The following PTPRN2 variants were observed in gnomAD, a reference collection of about 807,000 sequenced individuals.
PTPRN2 encodes the protein protein tyrosine phosphatase receptor type N2.
A neutral mutation model predicts 118.8 loss-of-function variants in PTPRN2; 74 were observed. The observed-to-expected ratio is 0.62, with a 90% CI of 0.52 to 0.76. The LOEUF (loss-of-function observed/expected upper bound fraction) is 0.76, where lower values mean the gene tolerates loss of function less well. PTPRN2 is among the 30% of genes least tolerant of loss of function. PTPRN2 has a pLI of 0.00. For missense variants in PTPRN2, 1,481 were observed against 1,394.4 expected, an observed-to-expected ratio of 1.06 and a Z score of -0.99; for synonymous variants, 641 against 608.0, an observed-to-expected ratio of 1.05 and a Z score of -0.80.
intron 12 of PTPRN2, among the ~76,000 whole-genome samples, chr7:157,883,711 C>A (rs572252905): frequency 1.3e-3 from 189 of 148,064 alleles, no homozygotes; most frequent in Non-Finnish European, 2.1e-3. Context: ...AACACACCAC[C>A]CCAGAAAAGA....
chr7:157,888,685 A>T (rs1057286291), intron 12 of PTPRN2, among the ~76,000 whole-genome samples: 5 of 152,100 alleles, frequency 3.3e-5, no homozygotes, highest in African/African-American at 1.2e-4. Context: ...ATCTTCACGG[A>T]TGTCTGATGA....
At position 157,974,268 on chromosome 7, in the gene PTPRN2, A is replaced by T. The variant is rs1442722104; in HGVS notation, c.1724-75531T>A. Among the ~76,000 whole-genome samples the T allele has an allele frequency of 6.6e-6, 1 of 152,164 alleles. No individual in the cohort carries two copies. Among genetic ancestry groups the T allele is most frequent in the African/African-American group, 2.4e-5 (1 of 41,450 alleles). On this transcript the variant is annotated intron_variant, in intron 11 of 22. Coordinates refer to ENST00000389418, the MANE Select transcript of PTPRN2 (RefSeq NM_002847.5). The surrounding 1 kb of genome is among the most constrained non-coding windows in gnomAD (Gnocchi z 4.0). ...CTCCCACTAGCATTTTCTCATCTCC[A>T]GCACGGTGTCAATGGTGCCACTCCA... is the stretch of plus-strand genomic sequence containing the variant.
intron 1 of PTPRN2, among the ~76,000 whole-genome samples, chr7:158,564,675 G>A (rs1207384509): frequency 6.6e-6 from 1 of 152,064 alleles, no homozygotes; most frequent in Non-Finnish European, 1.5e-5. Context: ...GCACCCTCCA[G>A]CTCCATCTAG....
chr7:158,151,651 GC>G (rs2150532982), intron 6 of PTPRN2, among the ~76,000 whole-genome samples: 1 of 151,386 alleles, frequency 6.6e-6, no homozygotes, highest in Admixed American at 6.6e-5. Context: ...ATACTCCCCC[GC>G]CCCCTCCTTC....
At chr7:158,364,327 T>C (rs1586467832) in intron 2 of PTPRN2, among the ~76,000 whole-genome samples, 1 of 129,386 alleles carries the variant, frequency 7.7e-6, no homozygotes, top group African/African-American at 3.0e-5. Flanking sequence ...GCCCCCATCC[T>C]CACTTCACCT....
At chr7:157,855,238 G>A (rs1202166627) in intron 12 of PTPRN2, among the ~76,000 whole-genome samples, 1 of 151,854 alleles carries the variant, frequency 6.6e-6, no homozygotes, top group Non-Finnish European at 1.5e-5. Context: ...GCAGGCGTGT[G>A]TGCGGGGCTT....
At chr7:157,717,362 C>T (rs1798975758) in intron 12 of PTPRN2, among the ~76,000 whole-genome samples, 1 of 152,220 alleles carries the variant, frequency 6.6e-6, no homozygotes. Flanking sequence ...GGTGGGTATC[C>T]TGCAAACATC....
chr7:158,186,379 C>T (rs1156242368), intron 5 of PTPRN2, among the ~76,000 whole-genome samples: 4 of 152,140 alleles, frequency 2.6e-5, no homozygotes, highest in Non-Finnish European at 5.9e-5. Context: ...CTCCCGGGGG[C>T]TCACTCATGT....
chr7:158,283,233 G>T (rs954197318), intron 3 of PTPRN2, among the ~76,000 whole-genome samples: 1 of 152,226 alleles, frequency 6.6e-6, no homozygotes, highest in Non-Finnish European at 1.5e-5. Flanking sequence ...TCAGTCAGGC[G>T]GCAGCCGTCA....
At chr7:158,176,820 T>A (rs550062398) in intron 5 of PTPRN2, among the ~76,000 whole-genome samples, 2 of 152,258 alleles carry the variant, frequency 1.3e-5, no homozygotes, top group African/African-American at 4.8e-5. Flanking sequence ...TTTAAAAAAC[T>A]CAAATGGACA....
intron 11 of PTPRN2, among the ~76,000 whole-genome samples, chr7:158,009,820 A>T (rs938654962): frequency 6.6e-6 from 1 of 152,224 alleles, no homozygotes; most frequent in Non-Finnish European, 1.5e-5. Flanking sequence ...TCTGATTTGG[A>T]TCTATGAGCA....
intron 11 of PTPRN2, chr7:158,028,561 G>T (rs56159784): frequency 7.9e-5 from 12 of 152,480 alleles, no homozygotes; most frequent in African/African-American, 2.9e-4. Flanking sequence ...GCAAGGAGGA[G>T]ACAGGTGGAC....
At chr7:157,821,877 G>C (rs1030037463) in intron 12 of PTPRN2, among the ~76,000 whole-genome samples, 1 of 152,032 alleles carries the variant, frequency 6.6e-6, no homozygotes, top group African/African-American at 2.4e-5. Flanking sequence ...GGAGGGACAT[G>C]GGTTAGGAAG....
At chr7:157,657,556 C>T (rs1795616094) in intron 13 of PTPRN2, among the ~76,000 whole-genome samples, 1 of 106,324 alleles carries the variant, frequency 9.4e-6, no homozygotes, top group African/African-American at 3.2e-5. Flanking sequence ...ACACCACACA[C>T]ACACCACACA....
rs150957498 is a variant in PTPRN2 at position 158,244,851 on chromosome 7, G to A, written c.278-39578C>T. ...GAGTTGTGCACATGTGAGTGTATGG[G>A]GGGCGTGTGTTATATAAAATATTAA... On this transcript the variant is annotated intron_variant, in intron 3 of 22. Transcript: ENST00000389418. Among the ~76,000 whole-genome samples, 87 of 151,602 alleles carry A rather than the reference G, an allele frequency of 5.7e-4. 1 individual carries two copies. The highest frequency in any genetic ancestry group is 2.0e-3 in the African/African-American group (83 of 41,246).
At chr7:157,922,242 C>T (rs1798729661) in intron 11 of PTPRN2, among the ~76,000 whole-genome samples, 1 of 152,186 alleles carries the variant, frequency 6.6e-6, no homozygotes, top group African/African-American at 2.4e-5. Context: ...TTCTGTTCAA[C>T]ATCTTCATAC....
At chr7:157,680,485 A>G (rs1796868302) in intron 13 of PTPRN2, among the ~76,000 whole-genome samples, 1 of 152,268 alleles carries the variant, frequency 6.6e-6, no homozygotes, top group Non-Finnish European at 1.5e-5. Flanking sequence ...TCATTTACCA[A>G]AGTAAATATC....
At chr7:158,498,284 T>C (rs1196840051) in intron 1 of PTPRN2, among the ~76,000 whole-genome samples, 1 of 152,218 alleles carries the variant, frequency 6.6e-6, no homozygotes, top group Non-Finnish European at 1.5e-5. Context: ...CTGTCATTTA[T>C]TTTTAGGAAA....
rs559017391 is a variant in PTPRN2, at chr7:158,546,391, C to T, written c.112+41167G>A. 6.6e-6 allele frequency among the ~76,000 whole-genome samples: 1 copy of T among 152,342 alleles called. No individual in the cohort carries two copies. The highest frequency in any genetic ancestry group is 1.9e-4 in the East Asian group (1 of 5,182). On this transcript the variant is annotated intron_variant, in intron 1 of 22. Coordinates refer to ENST00000389418, the MANE Select transcript of PTPRN2 (RefSeq NM_002847.5). The surrounding 1 kb of genome is among the most constrained non-coding windows in gnomAD (Gnocchi z 5.0). ...CCCTCCCAGGGGAGGACGGACTGAG[C>T]TCTCAGAGTCCTTTGGGCACCACAG...
Sources: allele counts gnomAD v4.1 joint callset (sites outside exome capture counted in the v4.1 genomes callset), GRCh38; gene constraint gnomAD v4.1.1; non-coding constraint Gnocchi (gnomAD v3.1); transcripts MANE v1.5; gene names NCBI Gene and HGNC (gene_info 2026-07-23, HGNC 2026-07-21).